CHRNA4: variants seen among roughly 807,000 people sequenced by gnomAD.
CHRNA4 encodes the protein cholinergic receptor nicotinic alpha 4 subunit, also known as neuronal acetylcholine receptor subunit alpha-4.
CHRNA4 carries 28 observed loss-of-function variants against 48.9 expected under a neutral mutation model. The ratio of observed to expected loss-of-function variants is 0.57; its 90% CI spans 0.42 to 0.79. The LOEUF (loss-of-function observed/expected upper bound fraction) is 0.79. CHRNA4 is among the 30% of genes least tolerant of loss of function. The probability of loss-of-function intolerance (pLI) is 0.00; values close to 1 mark genes in which losing one functional copy is unlikely to be tolerated. For synonymous variants in CHRNA4, 425 were observed against 402.3 expected, an observed-to-expected ratio of 1.06 and a Z score of -0.68; for missense variants, 859 against 898.4, an observed-to-expected ratio of 0.96 and a Z score of 0.56.
In CHRNA4 at chr20:63,359,866, GCT is replaced by G. The variant is rs67528285; in HGVS notation, c.77-169_77-168del. 364,244 of 613,816 alleles carry G rather than the reference GCT, an allele frequency of 0.59. 107,551 individuals carry two copies. Among genetic ancestry groups the G allele is most frequent in the East Asian group, 0.82 (25,977 of 31,572 alleles). The allele number at this position is 613,816 out of a possible 1,614,324, so 38.0% of individuals were successfully genotyped here. A position where few individuals can be genotyped will look rare whatever the true frequency, so the allele number is the denominator to read the frequency against. ...GGACCTGTGTGTGTGCCGGGCGTGC[GCT>G]CTGTGTGTGTGTGTGTGCCGGGCGT... On this transcript the variant is annotated intron_variant, in intron 1 of 5. Coordinates refer to ENST00000370263, the MANE Select transcript of CHRNA4 (RefSeq NM_000744.7).
chr20:63,356,542 T>A, intron 2 of CHRNA4, 127 bp from the exon 3 acceptor site: 1 of 992,048 alleles, frequency 1.0e-6, no homozygotes, highest in Non-Finnish European at 1.6e-6. Context: ...GGGCGACCTG[T>A]GGAGGGGGTG....
chr20:63,361,323 C>T lies in CHRNA4; in HGVS notation c.-158G>A, dbSNP rs1184912367. 7.8e-6 allele frequency: 9 copies of T among 1,146,944 alleles called. No individual in the cohort carries two copies. Among genetic ancestry groups the T allele is most frequent in the South Asian group, 6.0e-5 (2 of 33,064 alleles). The allele number at this position is 1,146,944 out of a possible 1,614,324, so 71.0% of individuals were successfully genotyped here. A position where few individuals can be genotyped will look rare whatever the true frequency, so the allele number is the denominator to read the frequency against. Reference sequence around the variant, plus strand: ...CCTGTGGGGCGCGGTGCGGCGGCGGCGCGGCAGGGAGCGCCGGGCTGTGGG... The same window carrying T: ...CCTGTGGGGCGCGGTGCGGCGGCGGTGCGGCAGGGAGCGCCGGGCTGTGGG... On this transcript the variant is annotated 5_prime_UTR_variant, in exon 1 of 6. Coordinates refer to ENST00000370263, the MANE Select transcript of CHRNA4 (RefSeq NM_000744.7).
At chr20:63,359,747 C>G (rs368443266) in intron 1 of CHRNA4, 48 bp from the exon 2 acceptor site, 11 of 1,599,112 alleles carry the variant, frequency 6.9e-6, no homozygotes, top group Middle Eastern at 2.3e-4. Flanking sequence ...GGGACAGGAG[C>G]CGGGAGCTGT....
chr20:63,360,881 A>G, intron 1 of CHRNA4: 1 of 425,890 alleles, frequency 2.3e-6, no homozygotes, highest in South Asian at 6.3e-5. Flanking sequence ...AGCCCTCCGC[A>G]TTCGCCGGCG....
At chr20:63,348,965 C>T (rs978447086) in intron 5 of CHRNA4, among the ~76,000 whole-genome samples, 21 of 152,316 alleles carry the variant, frequency 1.4e-4, no homozygotes, top group Middle Eastern at 3.4e-3. Flanking sequence ...AACTGTGGCT[C>T]CTGGGGCCTC....
chr20:63,357,712 T>A (rs865936510), intron 2 of CHRNA4, among the ~76,000 whole-genome samples: 1 of 152,112 alleles, frequency 6.6e-6, no homozygotes, highest in African/African-American at 2.4e-5. Context: ...ATACACGTGG[T>A]CCTCAGCCTT....
At chr20:63,347,259 G>A (rs1384948557) in intron 5 of CHRNA4, among the ~76,000 whole-genome samples, 1 of 152,260 alleles carries the variant, frequency 6.6e-6, no homozygotes, top group Non-Finnish European at 1.5e-5. Flanking sequence ...CAGCTCACCA[G>A]CGCTGGGAGG....
At chr20:63,359,105 C>T (rs1398085845) in intron 2 of CHRNA4, among the ~76,000 whole-genome samples, 2 of 152,224 alleles carry the variant, frequency 1.3e-5, no homozygotes, top group African/African-American at 4.8e-5. Context: ...CATTCCAGAT[C>T]TGTGGGTGAG....
At chr20:63,360,960 T>C in intron 1 of CHRNA4, 130 bp downstream of exon 1, 1 of 749,338 alleles carries the variant, frequency 1.3e-6, no homozygotes, top group Non-Finnish European at 1.9e-6. Flanking sequence ...ATGGGGAGCC[T>C]CGCGGTCGCC....
chr20:63,345,477 T>A lies in CHRNA4; in HGVS notation c.*1261A>T, dbSNP rs2068477026. On this transcript the variant is annotated 3_prime_UTR_variant, in exon 6 of 6. Transcript: ENST00000370263. This position sits in a 1 kb window ranked among gnomAD's most constrained non-coding sequence, Gnocchi z 5.4. ...CACTGGGGGGCTGCCGGGTGCGCCA[T>A]CTTTAGGGGGTGCACTGCCGGGCTC... The A allele has an allele frequency of 2.6e-6, 1 of 387,926 alleles. No individual in the cohort carries two copies. Among genetic ancestry groups the A allele is most frequent in the Non-Finnish European group, 5.3e-6 (1 of 189,542 alleles). The allele number at this position is 387,926 out of a possible 1,614,324, so 24.0% of individuals were successfully genotyped here. A position where few individuals can be genotyped will look rare whatever the true frequency, so the allele number is the denominator to read the frequency against.
At chr20:63,348,429 G>A (rs1031149610) in intron 5 of CHRNA4, among the ~76,000 whole-genome samples, 11 of 152,260 alleles carry the variant, frequency 7.2e-5, no homozygotes, top group Non-Finnish European at 1.5e-4. Context: ...ATTCAGTGGG[G>A]TGGCTGTGTG....
chr20:63,356,660 C>G, intron 2 of CHRNA4: 1 of 584,954 alleles, frequency 1.7e-6, no homozygotes, highest in Non-Finnish European at 3.1e-6. Context: ...GGAGAGGAGT[C>G]GGCGGCCTCA....
Position 63,345,730 on chromosome 20 carries a change from G to C in CHRNA4, c.*1008C>G, listed in dbSNP as rs2123461734. ...AGGATGCCCCCACCAGCTCCCCACAGCTACTGTAGCAGGAAGTCCTTCTTC... is the reference window on the plus strand; with the variant it reads ...AGGATGCCCCCACCAGCTCCCCACACCTACTGTAGCAGGAAGTCCTTCTTC... On this transcript the variant is annotated 3_prime_UTR_variant, in exon 6 of 6. Transcript: ENST00000370263. The surrounding 1 kb of genome is among the most constrained non-coding windows in gnomAD (Gnocchi z 5.4). 1 of 450,720 alleles carries C rather than the reference G, an allele frequency of 2.2e-6. No homozygotes were observed. The highest frequency in any genetic ancestry group is 1.6e-5 in the South Asian group (1 of 64,422). 27.9% of individuals were successfully genotyped at this position (450,720 alleles called of 1,614,324 possible).
At chr20:63,359,869 C>CGCCGGGCGTGCGCTGTGTGTGTG (rs1568819963) in intron 1 of CHRNA4, 170 bp from the exon 2 acceptor site, 1 of 368,978 alleles carries the variant, frequency 2.7e-6, no homozygotes, top group African/African-American at 3.5e-5. Context: ...GGCGTGCGCT[C>CGCCGGGCGTGCGCTGTGTGTGTG]TGTGTGTGTG....
chr20:63,356,138 A>C, intron 3 of CHRNA4, 54 bp from the exon 4 acceptor site: 1 of 86,622 alleles, frequency 1.2e-5, no homozygotes, highest in Non-Finnish European at 2.1e-5. Context: ...GGGGGAGGGC[A>C]GGGGCGGGAC....
At chr20:63,353,792 A>G (rs180743557) in intron 4 of CHRNA4, among the ~76,000 whole-genome samples, 24 of 14,644 alleles carry the variant, frequency 1.6e-3, no homozygotes, top group East Asian at 2.6e-3. Context: ...CTAGGGGGCT[A>G]TGGTCCTAGA....
chr20:63,360,491 C>T (rs966595064), intron 1 of CHRNA4, among the ~76,000 whole-genome samples: 6 of 152,152 alleles, frequency 3.9e-5, no homozygotes, highest in Non-Finnish European at 7.4e-5. Flanking sequence ...CTGTCCTGGG[C>T]GCTGCCATAA....
At position 63,345,305 on chromosome 20, in the gene CHRNA4, C is replaced by T. The variant is rs977839352; in HGVS notation, c.*1433G>A. On this transcript the variant is annotated 3_prime_UTR_variant, in exon 6 of 6. Coordinates refer to ENST00000370263, the MANE Select transcript of CHRNA4 (RefSeq NM_000744.7). This position sits in a 1 kb window ranked among gnomAD's most constrained non-coding sequence, Gnocchi z 5.4. ...GGGCAGCAGAATGTGGACCACTCAG[C>T]AGGAGGCTTCCTGACTGTCTCCTCC... 7 of 453,614 alleles carry T rather than the reference C, an allele frequency of 1.5e-5. No homozygotes were observed. The highest frequency in any genetic ancestry group is 2.4e-5 in the Admixed American group (1 of 42,552). The allele number at this position is 453,614 out of a possible 1,614,324, so 28.1% of individuals were successfully genotyped here. A position where few individuals can be genotyped will look rare whatever the true frequency, so the allele number is the denominator to read the frequency against.
chr20:63,360,967 C>T (rs1010324969), intron 1 of CHRNA4, 123 bp downstream of exon 1: 12 of 792,562 alleles, frequency 1.5e-5, no homozygotes, highest in Non-Finnish European at 1.9e-5. Flanking sequence ...GCCTCGCGGT[C>T]GCCCAGTCGC....
Sources: allele counts gnomAD v4.1 joint callset (sites outside exome capture counted in the v4.1 genomes callset), GRCh38; gene constraint gnomAD v4.1.1; non-coding constraint Gnocchi (gnomAD v3.1); transcripts MANE v1.5; gene names NCBI Gene and HGNC (gene_info 2026-07-23, HGNC 2026-07-21).